CTNND2: variants seen among roughly 807,000 people sequenced by gnomAD.
CTNND2 encodes catenin delta 2, also known as catenin delta-2.
Under a neutral mutation model 144.4 loss-of-function variants are expected in CTNND2, and 22 were observed. The observed-to-expected ratio is 0.15, with a 90% CI of 0.11 to 0.22. The LOEUF (loss-of-function observed/expected upper bound fraction) is 0.22, where lower values mean the gene tolerates loss of function less well. Ranked by LOEUF, CTNND2 falls within the 10% of genes least tolerant of loss-of-function variation. The pLI is 1.00. For missense variants in CTNND2, 1,353 were observed against 1,618.8 expected (o/e 0.84, Z 2.82); for synonymous variants, 751 against 695.6 (o/e 1.08, Z -1.25).
chr5:11,301,322 C>G (rs1749583195), intron 9 of CTNND2, among the ~76,000 whole-genome samples: 1 of 152,058 alleles, frequency 6.6e-6, no homozygotes, highest in African/African-American at 2.4e-5. Flanking sequence ...CGGCCCCCAT[C>G]TGCTTTCTTA....
intron 16 of CTNND2, among the ~76,000 whole-genome samples, chr5:11,049,982 C>A (rs1745666376): frequency 6.6e-6 from 1 of 152,154 alleles, no homozygotes; most frequent in African/African-American, 2.4e-5. Flanking sequence ...TAGTAGTGCC[C>A]AACCAATTTC....
intron 1 of CTNND2, among the ~76,000 whole-genome samples, chr5:11,734,950 A>C (rs1396627371): frequency 1.3e-5 from 2 of 152,210 alleles, no homozygotes; most frequent in African/African-American, 4.8e-5. Flanking sequence ...GAAAAAGTAA[A>C]TCTGTTACAA....
intron 1 of CTNND2, among the ~76,000 whole-genome samples, chr5:11,878,163 T>TC (rs1474736777): frequency 6.6e-6 from 1 of 152,216 alleles, no homozygotes; most frequent in East Asian, 1.9e-4. Flanking sequence ...TGTGATTATA[T>TC]CCTTTCTAGT....
intron 9 of CTNND2, among the ~76,000 whole-genome samples, chr5:11,268,953 C>G (rs1463569156): frequency 6.6e-6 from 1 of 152,212 alleles, no homozygotes; most frequent in Non-Finnish European, 1.5e-5. Flanking sequence ...TGTTAGTTAA[C>G]AAAACTGAAC....
At chr5:11,069,940 C>T (rs1250760163) in intron 16 of CTNND2, among the ~76,000 whole-genome samples, 2 of 152,124 alleles carry the variant, frequency 1.3e-5, no homozygotes, top group Non-Finnish European at 2.9e-5. Flanking sequence ...TTAAAGCATG[C>T]ATTAGATTAT....
At chr5:11,888,877 G>C (rs1423572843) in intron 1 of CTNND2, among the ~76,000 whole-genome samples, 1 of 151,498 alleles carries the variant, frequency 6.6e-6, no homozygotes, top group African/African-American at 2.4e-5. Context: ...TCAATCTCCT[G>C]AGTAACTGGG....
intron 3 of CTNND2, among the ~76,000 whole-genome samples, chr5:11,496,758 A>C (rs1292861210): frequency 6.6e-6 from 1 of 152,184 alleles, no homozygotes; most frequent in Non-Finnish European, 1.5e-5. Flanking sequence ...TTGAATTCCA[A>C]ATTCATTTTC....
chr5:11,391,470 A>G (rs536075311), intron 6 of CTNND2, among the ~76,000 whole-genome samples: 5 of 152,322 alleles, frequency 3.3e-5, no homozygotes, highest in Admixed American at 3.3e-4. Context: ...CAAGTAAAAC[A>G]AATCTACATC....
rs138389098 is a variant in CTNND2, at chr5:11,620,591, G to A, written c.175-55535C>T. On this transcript the variant is annotated intron_variant, in intron 2 of 21. Transcript: ENST00000304623. Reference sequence around the variant, plus strand: ...GTCCGTATAGCCTGGAATATCATGGGGTGCCCCTCATTTTGGGAACTATGA... The same window carrying A: ...GTCCGTATAGCCTGGAATATCATGGAGTGCCCCTCATTTTGGGAACTATGA... 2.0e-5 allele frequency among the ~76,000 whole-genome samples: 3 copies of A among 152,250 alleles called. No individual in the cohort carries two copies. The East Asian group carries it at 5.8e-4, about 29-fold the overall frequency.
At chr5:10,997,287 G>C (rs1739450595) in intron 18 of CTNND2, among the ~76,000 whole-genome samples, 1 of 152,112 alleles carries the variant, frequency 6.6e-6, no homozygotes, top group Admixed American at 6.6e-5. Flanking sequence ...CTTATGTATG[G>C]GAACGATTAA....
intron 9 of CTNND2, among the ~76,000 whole-genome samples, chr5:11,266,301 A>G (rs1224427359): frequency 1.3e-5 from 2 of 152,182 alleles, no homozygotes; most frequent in Non-Finnish European, 2.9e-5. Context: ...CACTGGGCCA[A>G]TGGATTCTCG....
chr5:11,174,662 C>G (rs1316239506), intron 11 of CTNND2, among the ~76,000 whole-genome samples: 1 of 152,126 alleles, frequency 6.6e-6, no homozygotes, highest in Admixed American at 6.5e-5. Context: ...AATGCGTTAG[C>G]CAGTTGATCA....
intron 9 of CTNND2, among the ~76,000 whole-genome samples, chr5:11,259,186 T>C (rs764999958): frequency 4.6e-5 from 7 of 152,230 alleles, no homozygotes; most frequent in African/African-American, 9.6e-5. Flanking sequence ...TCCAGCCTGA[T>C]GGTCTGCCCT....
intron 1 of CTNND2, among the ~76,000 whole-genome samples, chr5:11,814,184 CA>C (rs1340088764): frequency 6.6e-5 from 10 of 152,176 alleles, no homozygotes; most frequent in Non-Finnish European, 1.5e-4. Flanking sequence ...GTACCTAAAA[CA>C]TATTAAATCA....
At chr5:10,997,811 A>G (rs1363082263) in intron 18 of CTNND2, among the ~76,000 whole-genome samples, 2 of 152,172 alleles carry the variant, frequency 1.3e-5, no homozygotes, top group Non-Finnish European at 2.9e-5. Flanking sequence ...GTGTGGTATT[A>G]AAGGTGAACA....
intron 13 of CTNND2, among the ~76,000 whole-genome samples, chr5:11,113,672 C>T (rs1223854562): frequency 6.6e-6 from 1 of 152,146 alleles, no homozygotes; most frequent in African/African-American, 2.4e-5. Context: ...CAGGCACCTG[C>T]TACGTAACAG....
intron 3 of CTNND2, among the ~76,000 whole-genome samples, chr5:11,505,123 G>A (rs565766772): frequency 1.6e-4 from 25 of 151,724 alleles, no homozygotes; most frequent in South Asian, 4.2e-4. Flanking sequence ...AAACTAGGTC[G>A]AATGTTTTGG....
chr5:11,544,268 T>C (rs1775020434), intron 3 of CTNND2, among the ~76,000 whole-genome samples: 1 of 151,636 alleles, frequency 6.6e-6, no homozygotes, highest in Non-Finnish European at 1.5e-5. Context: ...CAGATTTGAA[T>C]AAGAAAAAAT....
chr5:11,587,012 T>C (rs957677123), intron 2 of CTNND2, among the ~76,000 whole-genome samples: 31 of 152,152 alleles, frequency 2.0e-4, no homozygotes, highest in African/African-American at 7.0e-4. Context: ...AACATAATCA[T>C]AACATCAATG....
Sources: allele counts gnomAD v4.1 joint callset (sites outside exome capture counted in the v4.1 genomes callset), GRCh38; gene constraint gnomAD v4.1.1; transcripts MANE v1.5; gene names NCBI Gene and HGNC (gene_info 2026-07-23, HGNC 2026-07-21).